TASP1: variants seen among roughly 807,000 people sequenced by gnomAD.
The protein encoded by TASP1 is threonine aspartase 1.
In TASP1, 16 loss-of-function variants were observed where a neutral mutation model predicts 56.6. The observed-to-expected ratio is 0.28, with a 90% CI of 0.19 to 0.43. TASP1 has a LOEUF of 0.43. Ranked by LOEUF, TASP1 falls within the 20% of genes least tolerant of loss-of-function variation. The pLI, the probability that TASP1 is intolerant of heterozygous loss-of-function variation, is 1.00. For missense variants in TASP1, 393 were observed against 511.6 expected, an observed-to-expected ratio of 0.77 and a Z score of 2.24; for synonymous variants, 179 against 184.2, an observed-to-expected ratio of 0.97 and a Z score of 0.23.
intron 9 of TASP1, among the ~76,000 whole-genome samples, chr20:13,532,288 C>T (rs1298687435): frequency 1.3e-5 from 2 of 152,136 alleles, no homozygotes; most frequent in Non-Finnish European, 1.5e-5. Flanking sequence ...GTTAATTGTG[C>T]ATTTAAAATA....
intron 10 of TASP1, among the ~76,000 whole-genome samples, chr20:13,516,653 C>A (rs2044545019): frequency 7.7e-6 from 1 of 130,452 alleles, no homozygotes; most frequent in African/African-American, 2.8e-5. Flanking sequence ...TGATCTTACG[C>A]CTTTGTTTTT....
chr20:13,403,794 A>T (rs1470218839), intron 13 of TASP1, among the ~76,000 whole-genome samples: 1 of 152,128 alleles, frequency 6.6e-6, no homozygotes, highest in Non-Finnish European at 1.5e-5. Context: ...AGGCTGGAGG[A>T]TCTCTTGAAC....
At chr20:13,313,381 A>C in the TASP1 span, among the ~76,000 whole-genome samples, 1 of 152,228 alleles carries the variant, frequency 6.6e-6, no homozygotes, top group Non-Finnish European at 1.5e-5. Context: ...CTCTTGTGTC[A>C]ATCACAGAAT....
At chr20:13,547,300 G>C (rs2045843747) in intron 8 of TASP1, among the ~76,000 whole-genome samples, 1 of 152,168 alleles carries the variant, frequency 6.6e-6, no homozygotes, top group African/African-American at 2.4e-5. Flanking sequence ...AATTTGATCT[G>C]CATGGCATTG....
the TASP1 span, among the ~76,000 whole-genome samples, chr20:13,114,977 C>T: frequency 2.0e-5 from 3 of 152,190 alleles, no homozygotes; most frequent in Non-Finnish European, 4.4e-5. Context: ...AAGAATAATT[C>T]AAGTCCCTGC....
intron 10 of TASP1, among the ~76,000 whole-genome samples, chr20:13,511,045 T>A (rs184940852): frequency 2.0e-4 from 30 of 152,254 alleles, no homozygotes; most frequent in Non-Finnish European, 3.2e-4. Flanking sequence ...TACTCATCAC[T>A]GGTTCATGGG....
the TASP1 span, among the ~76,000 whole-genome samples, chr20:13,147,390 A>C: frequency 6.6e-6 from 1 of 152,018 alleles, no homozygotes; most frequent in Non-Finnish European, 1.5e-5. Flanking sequence ...CTTTACCGAG[A>C]TCTCTCTGCC....
At chr20:13,202,285 C>T in the TASP1 span, among the ~76,000 whole-genome samples, 1 of 152,128 alleles carries the variant, frequency 6.6e-6, no homozygotes, top group Non-Finnish European at 1.5e-5. Flanking sequence ...TGGAAAGCAA[C>T]GTACAGAAGC....
the TASP1 span, among the ~76,000 whole-genome samples, chr20:13,318,863 G>T: frequency 6.6e-6 from 1 of 152,206 alleles, no homozygotes; most frequent in Non-Finnish European, 1.5e-5. Context: ...TGGTTGCCAG[G>T]GGTTGAGAAG....
the TASP1 span, among the ~76,000 whole-genome samples, chr20:13,325,103 C>T: frequency 3.9e-5 from 6 of 152,204 alleles, no homozygotes; most frequent in African/African-American, 1.4e-4. Context: ...ATGCAAGGAA[C>T]AGAGAGCCAC....
At chr20:13,115,715 C>T in the TASP1 span, among the ~76,000 whole-genome samples, 6 of 152,086 alleles carry the variant, frequency 3.9e-5, no homozygotes, top group South Asian at 4.1e-4. Flanking sequence ...AGTTAGGACT[C>T]GTTGCAACCA....
At chr20:13,393,421 A>T in intron 13 of TASP1, 1 of 768,926 alleles carries the variant, frequency 1.3e-6, no homozygotes, top group Non-Finnish European at 2.3e-6. Context: ...TACCGTCTGG[A>T]GAAACCTGCC....
Position 13,586,415 on chromosome 20 carries a change from A to T in TASP1, c.403+835T>A, listed in dbSNP as rs73088089. ...TCACAGGCATAACATTAAGCAAAAGAAAACAGACACAGAAGTGTCTGATCC... is the reference window on the plus strand; with the variant it reads ...TCACAGGCATAACATTAAGCAAAAGTAAACAGACACAGAAGTGTCTGATCC... On this transcript the variant is annotated intron_variant, in intron 5 of 13. Coordinates refer to ENST00000337743, the MANE Select transcript of TASP1 (RefSeq NM_017714.3). Among the ~76,000 whole-genome samples, 618 of 152,294 alleles carry T rather than the reference A, an allele frequency of 4.1e-3. 1 individual carries two copies. The highest frequency in any genetic ancestry group is 8.0e-3 in the Admixed American group (123 of 15,306).
chr20:13,156,402 C>T, the TASP1 span, among the ~76,000 whole-genome samples: 2 of 152,118 alleles, frequency 1.3e-5, no homozygotes, highest in African/African-American at 4.8e-5. Context: ...ATGCTATGAA[C>T]GATATGCTTC....
intron 4 of TASP1, among the ~76,000 whole-genome samples, chr20:13,599,877 A>T (rs2147346621): frequency 6.6e-6 from 1 of 152,190 alleles, no homozygotes; most frequent in Non-Finnish European, 1.5e-5. Context: ...ATTTATGAAA[A>T]ACAAATAGTT....
chr20:13,317,263 AC>A, the TASP1 span, among the ~76,000 whole-genome samples: 1 of 151,868 alleles, frequency 6.6e-6, no homozygotes, highest in Admixed American at 6.6e-5. Context: ...ACAAAACAAA[AC>A]AAAAAAGCTA....
the TASP1 span, among the ~76,000 whole-genome samples, chr20:13,183,985 C>T: frequency 2.7e-5 from 4 of 148,466 alleles, no homozygotes; most frequent in Admixed American, 1.3e-4. Context: ...GTCGAGATCA[C>T]GCCACTGCAC....
At chr20:13,444,723 G>A (rs2146256805) in intron 11 of TASP1, among the ~76,000 whole-genome samples, 1 of 152,166 alleles carries the variant, frequency 6.6e-6, no homozygotes, top group Non-Finnish European at 1.5e-5. Context: ...AATCCCAATG[G>A]AATGATGTTC....
chr20:13,339,727 T>C, the TASP1 span, among the ~76,000 whole-genome samples: 1 of 152,046 alleles, frequency 6.6e-6, no homozygotes, highest in East Asian at 1.9e-4. Flanking sequence ...CAAGTGACAG[T>C]ATGTCAACCT....
Sources: allele counts gnomAD v4.1 joint callset (sites outside exome capture counted in the v4.1 genomes callset), GRCh38; gene constraint gnomAD v4.1.1; transcripts MANE v1.5; gene names NCBI Gene and HGNC (gene_info 2026-07-23, HGNC 2026-07-21).